ATP6V1A: variants seen among roughly 807,000 people sequenced by gnomAD.
The protein encoded by ATP6V1A is ATPase H+ transporting V1 subunit A, also known as V-type proton ATPase catalytic subunit A.
In ATP6V1A, 18 loss-of-function variants were observed where a neutral mutation model predicts 70.1. The ratio of observed to expected loss-of-function variants is 0.26; its 90% CI spans 0.18 to 0.38. The LOEUF (loss-of-function observed/expected upper bound fraction) is 0.38. Ranked by LOEUF, ATP6V1A falls within the 10% of genes least tolerant of loss-of-function variation. The pLI, the probability that ATP6V1A is intolerant of heterozygous loss-of-function variation, is 1.00. For synonymous variants in ATP6V1A, 232 were observed against 253.8 expected (o/e 0.91, Z 0.82); for missense variants, 424 against 772.4 (o/e 0.55, Z 5.35).
chr3:113,772,710 A>G (rs1419130374), intron 1 of ATP6V1A, among the ~76,000 whole-genome samples: 1 of 148,454 alleles, frequency 6.7e-6, no homozygotes, highest in African/African-American at 2.5e-5. Flanking sequence ...CCTGGGCGAC[A>G]GAGCAAGACT....
At chr3:113,772,933 C>CTTTTTTTTTTTTTTTTTTTTT (rs762901487) in intron 1 of ATP6V1A, among the ~76,000 whole-genome samples, 1 of 90,450 alleles carries the variant, frequency 1.1e-5, no homozygotes, top group African/African-American at 4.5e-5. Flanking sequence ...TTAATATTGG[C>CTTTTTTTTTTTTTTTTTTTTT]TTTTTTTTTT....
At chr3:113,774,575 G>A (rs917724040) in intron 1 of ATP6V1A, among the ~76,000 whole-genome samples, 3 of 152,160 alleles carry the variant, frequency 2.0e-5, no homozygotes, top group Non-Finnish European at 4.4e-5. Flanking sequence ...AGCACTTTGG[G>A]ATTACAGGTG....
At position 113,761,371 on chromosome 3, in the gene ATP6V1A, A is replaced by AT. The variant is rs752337436; in HGVS notation, c.-14+14271dup. 6.2e-3 allele frequency among the ~76,000 whole-genome samples: 897 copies of AT among 144,148 alleles called. 8 individuals carry two copies. The highest frequency in any genetic ancestry group is 0.012 in the African/African-American group (480 of 39,382). The allele number at this position is 144,148 out of a possible 152,430, so 94.6% of individuals were successfully genotyped here. A position where few individuals can be genotyped will look rare whatever the true frequency, so the allele number is the denominator to read the frequency against. On this transcript the variant is annotated intron_variant, in intron 1 of 14. Coordinates refer to ENST00000273398, the MANE Select transcript of ATP6V1A (RefSeq NM_001690.4). The stretch of plus-strand genomic sequence containing the variant: ...CATTTGGCTAGTTTAGCTGCTCATG[A>AT]TTTTTTTTTTTTTGGCAAAGCCATC...
chr3:113,769,341 A>G (rs1302334147), intron 1 of ATP6V1A, among the ~76,000 whole-genome samples: 1 of 152,250 alleles, frequency 6.6e-6, no homozygotes. Context: ...GTTATAATCC[A>G]TTAGATTCTT....
At chr3:113,753,751 A>G (rs1308702458) in intron 1 of ATP6V1A, among the ~76,000 whole-genome samples, 1 of 137,524 alleles carries the variant, frequency 7.3e-6, no homozygotes, top group African/African-American at 2.8e-5. Context: ...ATTGGAGTGT[A>G]CTGGTGCTGT....
rs1709240612 is a variant in ATP6V1A at position 113,803,675 on chromosome 3, C to T, written c.1587C>T (p.Asp529=). 1 of 1,592,290 alleles carries T rather than the reference C, an allele frequency of 6.3e-7. No individual in the cohort carries two copies. Among genetic ancestry groups the T allele is most frequent in the Non-Finnish European group, 8.6e-7 (1 of 1,162,498 alleles). The stretch of plus-strand genomic sequence containing the variant: ...AACAAAATGGATATACTCCTTATGA[C>T]AGGTAAGCTATATTGATTTCCTTTT... ...FLQQNGYTPY[D]RFCPFYKTVG... is the part of the protein sequence containing the mutation. The change falls in exon 13 of 15, where the codon GAC becomes GAT. Residue 529 remains aspartate, a splice_region_variant and synonymous_variant. Coordinates refer to ENST00000273398, the MANE Select transcript of ATP6V1A (RefSeq NM_001690.4).
At chr3:113,793,865 C>G (rs1709124765) in intron 8 of ATP6V1A, among the ~76,000 whole-genome samples, 1 of 151,956 alleles carries the variant, frequency 6.6e-6, no homozygotes, top group Non-Finnish European at 1.5e-5. Context: ...TATAAAAGTT[C>G]CAAAATCTTT....
At chr3:113,768,937 A>G (rs1449323840) in intron 1 of ATP6V1A, among the ~76,000 whole-genome samples, 1 of 152,162 alleles carries the variant, frequency 6.6e-6, no homozygotes, top group Non-Finnish European at 1.5e-5. Flanking sequence ...AAGGTCTCCA[A>G]CAGATTTTGC....
chr3:113,778,774 C>T lies in ATP6V1A; in HGVS notation c.21C>T (p.Pro7=). 6.3e-7 allele frequency: 1 copy of T among 1,593,072 alleles called. No individual in the cohort carries two copies. The highest frequency in any genetic ancestry group is 8.5e-7 in the Non-Finnish European group (1 of 1,170,324). ...ACATTATGGATTTTTCCAAGCTACC[C>T]AAAATACTCGATGAAGATAAAGAAA... MDFSKL[P]KILDEDKEST... The change falls in exon 2 of 15, where the codon CCC becomes CCT. Residue 7 remains proline, a synonymous_variant. Transcript: ENST00000273398.
chr3:113,754,261 C>T (rs570299087), intron 1 of ATP6V1A, among the ~76,000 whole-genome samples: 10 of 152,236 alleles, frequency 6.6e-5, no homozygotes, highest in East Asian at 3.9e-4. Context: ...TGGTGGCTCA[C>T]GCCTGTAATC....
intron 13 of ATP6V1A, among the ~76,000 whole-genome samples, chr3:113,804,797 TG>T (rs1175262530): frequency 6.6e-6 from 1 of 152,240 alleles, no homozygotes; most frequent in African/African-American, 2.4e-5. Context: ...GTTGTACGAA[TG>T]TATGTGACTG....
At chr3:113,802,582 C>T (rs1709226358) in intron 12 of ATP6V1A, among the ~76,000 whole-genome samples, 1 of 152,150 alleles carries the variant, frequency 6.6e-6, no homozygotes, top group Admixed American at 6.6e-5. Flanking sequence ...CCACCTTGGC[C>T]TCCCAAAGTG....
chr3:113,792,445 C>T (rs886863823), intron 8 of ATP6V1A, among the ~76,000 whole-genome samples: 2 of 152,068 alleles, frequency 1.3e-5, no homozygotes, highest in Non-Finnish European at 2.9e-5. Flanking sequence ...TCAAGGGATC[C>T]TCTCATCTCA....
chr3:113,786,746 A>G (rs2108031710), intron 6 of ATP6V1A, among the ~76,000 whole-genome samples: 1 of 152,028 alleles, frequency 6.6e-6, no homozygotes, highest in South Asian at 2.1e-4. Flanking sequence ...TCTGTACCAA[A>G]ACAATGTAAC....
At chr3:113,782,789 A>AT (rs1708994189) in intron 3 of ATP6V1A, among the ~76,000 whole-genome samples, 1 of 151,236 alleles carries the variant, frequency 6.6e-6, no homozygotes, top group Non-Finnish European at 1.5e-5. Context: ...TGCCCGGCTA[A>AT]TTTTTTGTAT....
At chr3:113,808,354 C>A (rs550280542) in intron 14 of ATP6V1A, among the ~76,000 whole-genome samples, 1 of 138,270 alleles carries the variant, frequency 7.2e-6, no homozygotes, top group East Asian at 2.3e-4. Flanking sequence ...TGCAGTGACG[C>A]GATCTCAGCT....
chr3:113,754,627 T>C (rs1198131134), intron 1 of ATP6V1A, among the ~76,000 whole-genome samples: 2 of 152,184 alleles, frequency 1.3e-5, no homozygotes, highest in Non-Finnish European at 2.9e-5. Flanking sequence ...ATTTTTGGTA[T>C]GGATAGTCAG....
chr3:113,776,793 C>T (rs1577087012), intron 1 of ATP6V1A, among the ~76,000 whole-genome samples: 1 of 152,264 alleles, frequency 6.6e-6, no homozygotes, highest in East Asian at 1.9e-4. Flanking sequence ...TTATTTCTCA[C>T]TGCTGTTCTA....
chr3:113,750,177 C>T (rs879532315), intron 1 of ATP6V1A, among the ~76,000 whole-genome samples: 9 of 152,096 alleles, frequency 5.9e-5, no homozygotes, highest in Admixed American at 1.3e-4. Flanking sequence ...TGACATAAAC[C>T]CTAGGTAATC....
Sources: gnomAD v4.1 joint callset for allele counts (sites outside exome capture counted in the v4.1 genomes callset) on GRCh38, gnomAD v4.1.1 for gene constraint, MANE v1.5 for transcripts, NCBI Gene and HGNC (gene_info 2026-07-23, HGNC 2026-07-21) for gene names.